The following RAB3D variants were observed in gnomAD, a reference collection of about 807,000 sequenced individuals.
The protein encoded by RAB3D is ras-related protein Rab-3D.
RAB3D carries 17 observed loss-of-function variants against 19.3 expected under a neutral mutation model. The observed-to-expected ratio is 0.88, with a 90% CI of 0.60 to 1.32. The LOEUF is 1.32. Ranked by LOEUF, RAB3D falls within the 40% of genes most tolerant of loss-of-function variation. The probability of loss-of-function intolerance (pLI) is 0.00; values close to 1 mark genes in which losing one functional copy is unlikely to be tolerated. For synonymous variants in RAB3D, 103 were observed against 119.9 expected (o/e 0.86, Z 0.92); for missense variants, 223 against 299.1 (o/e 0.75, Z 1.88).
intron 1 of RAB3D, among the ~76,000 whole-genome samples, chr19:11,339,116 G>A (rs1032939516): frequency 6.6e-6 from 1 of 152,222 alleles, no homozygotes; most frequent in Non-Finnish European, 1.5e-5. Flanking sequence ...GCAGGGCAGG[G>A]CCGCAAGGCT....
intron 4 of RAB3D, 35 bp from the exon 5 acceptor site, chr19:11,325,620 C>T (rs753170297): frequency 1.7e-5 from 24 of 1,424,898 alleles, no homozygotes; most frequent in South Asian, 1.1e-4. Context: ...ACTCGTAAGA[C>T]CCCTGAGGGC....
rs111292801 is a variant in RAB3D, at chr19:11,324,128, A to G, written c.*1270T>C. On this transcript the variant is annotated 3_prime_UTR_variant, in exon 5 of 5. Transcript: ENST00000222120. The stretch of plus-strand genomic sequence containing the variant: ...ACAAGCAGTGACAGCAAGTTACTCA[A>G]TCCTACCTCCTCACCCCTTCCGCCC... 0.011 allele frequency: 1,744 copies of G among 152,204 alleles called. 29 individuals carry two copies. The highest frequency in any genetic ancestry group is 0.04 in the African/African-American group (1,649 of 41,410). The allele number at this position is 152,204 out of a possible 1,614,324, so 9.4% of individuals were successfully genotyped here.
chr19:11,328,747 G>A (rs1166066585), intron 4 of RAB3D, among the ~76,000 whole-genome samples: 1 of 152,026 alleles, frequency 6.6e-6, no homozygotes, highest in East Asian at 1.9e-4. Flanking sequence ...AGCCAGGGAA[G>A]TTGAGGCTGC....
intron 4 of RAB3D, among the ~76,000 whole-genome samples, chr19:11,331,015 CAAA>C (rs34766833): frequency 2.5e-5 from 3 of 120,722 alleles, no homozygotes; most frequent in Non-Finnish European, 1.8e-5. Context: ...GACCTTGCCT[CAAA>C]AAAAAAAAAA....
intron 4 of RAB3D, among the ~76,000 whole-genome samples, chr19:11,333,693 C>T (rs1226478402): frequency 3.5e-5 from 5 of 143,460 alleles, no homozygotes; most frequent in Non-Finnish European, 1.5e-5. Context: ...TCTTTCTTTC[C>T]TTTTTTTTTT....
intron 4 of RAB3D, among the ~76,000 whole-genome samples, chr19:11,334,331 A>C (rs1568301194): frequency 6.6e-6 from 1 of 152,098 alleles, no homozygotes; most frequent in African/African-American, 2.4e-5. Context: ...TGAGTCAGGC[A>C]TGCTGCGCAC....
At chr19:11,335,123 G>A (rs1427550456) in intron 4 of RAB3D, among the ~76,000 whole-genome samples, 1 of 152,224 alleles carries the variant, frequency 6.6e-6, no homozygotes, top group Non-Finnish European at 1.5e-5. Flanking sequence ...CTCCAACTGT[G>A]AGACACCTGG....
chr19:11,330,872 C>G (rs1253080338), intron 4 of RAB3D, among the ~76,000 whole-genome samples: 1 of 151,662 alleles, frequency 6.6e-6, no homozygotes, highest in East Asian at 1.9e-4. Context: ...TTTAATTAGG[C>G]AGGTGTGGTG....
chr19:11,335,481 AGGCACAACAC>A lies in RAB3D; in HGVS notation c.428_437del (p.Arg143LeufsTer27). ...CGGCGAGCCTCCGGCCATCCTCAGCAGGCACAACACGTTCGTCCTCCAGGTCACACTTGTT... is the reference window on the plus strand; with the variant it reads ...CGGCGAGCCTCCGGCCATCCTCAGCAGTTCGTCCTCCAGGTCACACTTGTT... On this transcript the variant is annotated frameshift_variant, in exon 4 of 5. Transcript: ENST00000222120. LOFTEE classifies it high-confidence loss of function. 6.2e-7 allele frequency: 1 copy of A among 1,614,186 alleles called. No homozygotes were observed. Among genetic ancestry groups the A allele is most frequent in the Non-Finnish European group, 8.5e-7 (1 of 1,180,040 alleles).
intron 4 of RAB3D, among the ~76,000 whole-genome samples, chr19:11,327,668 G>C (rs745970683): frequency 6.6e-6 from 1 of 151,942 alleles, no homozygotes; most frequent in Non-Finnish European, 1.5e-5. Context: ...CAAAGTGCTG[G>C]GATTACAGGC....
chr19:11,325,723 C>T (rs751226225), intron 4 of RAB3D, 138 bp from the exon 5 acceptor site: 7 of 732,528 alleles, frequency 9.6e-6, no homozygotes, highest in Non-Finnish European at 1.5e-5. Context: ...GCCTTTGCCA[C>T]TCCAAGCCTC....
intron 1 of RAB3D, among the ~76,000 whole-genome samples, chr19:11,337,668 TTTC>T (rs1486706421): frequency 2.0e-5 from 3 of 151,026 alleles, no homozygotes; most frequent in South Asian, 4.2e-4. Flanking sequence ...AGTTTCTTTC[TTTC>T]TTTTTTTTTT....
chr19:11,329,467 C>T (rs1404428035), intron 4 of RAB3D, among the ~76,000 whole-genome samples: 3 of 151,630 alleles, frequency 2.0e-5, no homozygotes, highest in Non-Finnish European at 4.4e-5. Context: ...AGTAGCCAGG[C>T]GTGGTGGCAC....
rs1307570611 is a variant in RAB3D, at chr19:11,322,642, C to T, written c.*2756G>A. ...ATTAAACCTCACCCCCCAAATCATT[C>T]AATGTAACATTTGCCTTATTTTTAG... On this transcript the variant is annotated 3_prime_UTR_variant, in exon 5 of 5. Coordinates refer to ENST00000222120, the MANE Select transcript of RAB3D (RefSeq NM_004283.4). 6.6e-6 allele frequency: 1 copy of T among 152,196 alleles called. No individual in the cohort carries two copies. The highest frequency in any genetic ancestry group is 1.5e-5 in the Non-Finnish European group (1 of 68,032). The allele number at this position is 152,196 out of a possible 1,614,324, so 9.4% of individuals were successfully genotyped here. A position where few individuals can be genotyped will look rare whatever the true frequency, so the allele number is the denominator to read the frequency against.
Position 11,325,450 on chromosome 19 carries a change from C to A in RAB3D, c.608G>T (p.Gly203Val). The change falls in exon 5 of 5, where the codon GGC (glycine) becomes GTC (valine). Residue 203 changes from glycine to valine, a missense_variant. Coordinates refer to ENST00000222120, the MANE Select transcript of RAB3D (RefSeq NM_004283.4). Reference sequence around the variant, plus strand: ...GGCTGGAGCATCCCCCACGGCCGGGCCTTTCCCGTTGCTGCCTGAGCTGGA... The same window carrying A: ...GGCTGGAGCATCCCCCACGGCCGGGACTTTCCCGTTGCTGCCTGAGCTGGA... ...PSSSSGSNGK[G>V]PAVGDAPAPQ... 6.2e-7 allele frequency: 1 copy of A among 1,610,232 alleles called. No individual in the cohort carries two copies. Among genetic ancestry groups the A allele is most frequent in the South Asian group, 1.1e-5 (1 of 91,040 alleles).
chr19:11,333,166 G>A (rs1050338943), intron 4 of RAB3D, among the ~76,000 whole-genome samples: 4 of 147,886 alleles, frequency 2.7e-5, no homozygotes, highest in African/African-American at 1.0e-4. Flanking sequence ...TGCAAGTTCC[G>A]CCTCCCGGGT....
rs1400206436 is a variant in RAB3D, at chr19:11,324,622, CTAA to C, written c.*773_*775del. 6.6e-6 allele frequency: 1 copy of C among 152,592 alleles called. No individual in the cohort carries two copies. The highest frequency in any genetic ancestry group is 2.4e-5 in the African/African-American group (1 of 41,430). 9.5% of individuals were successfully genotyped at this position (152,592 alleles called of 1,614,324 possible). ...GGGGTTGGGCGAATCTCTGCCCAGT[CTAA>C]TGTGGTCCATAGTTCCAGAATTCAC... On this transcript the variant is annotated 3_prime_UTR_variant, in exon 5 of 5. Transcript: ENST00000222120.
intron 4 of RAB3D, among the ~76,000 whole-genome samples, chr19:11,330,841 C>T (rs1219440770): frequency 5.3e-5 from 8 of 151,786 alleles, no homozygotes; most frequent in African/African-American, 1.5e-4. Context: ...TGAGCCACTG[C>T]GCCCGGCAAA....
At chr19:11,328,900 T>A (rs1206688656) in intron 4 of RAB3D, among the ~76,000 whole-genome samples, 1 of 151,944 alleles carries the variant, frequency 6.6e-6, no homozygotes, top group Non-Finnish European at 1.5e-5. Context: ...ACTGTTGGCG[T>A]TTTGCTATTT....
Sources: allele counts gnomAD v4.1 joint callset (sites outside exome capture counted in the v4.1 genomes callset), GRCh38; gene constraint gnomAD v4.1.1; transcripts MANE v1.5; gene names NCBI Gene and HGNC (gene_info 2026-07-23, HGNC 2026-07-21).